TENM3: variants seen among roughly 807,000 people sequenced by gnomAD.
The protein encoded by TENM3 is teneurin transmembrane protein 3.
A neutral mutation model predicts 255.1 loss-of-function variants in TENM3; 63 were observed. The ratio of observed to expected loss-of-function variants is 0.25; its 90% CI spans 0.20 to 0.30. The LOEUF (loss-of-function observed/expected upper bound fraction) is 0.30, where lower values mean the gene tolerates loss of function less well. Among genes scored for constraint, TENM3 ranks in the 10% least tolerant of loss-of-function variants. The pLI, the probability that TENM3 is intolerant of heterozygous loss-of-function variation, is 1.00. For missense variants in TENM3, 2,929 were observed against 3,461.1 expected (o/e 0.85, Z 3.86); for synonymous variants, 1,306 against 1,322.3 (o/e 0.99, Z 0.27).
the TENM3 span, among the ~76,000 whole-genome samples, chr4:181,982,369 C>T: frequency 6.6e-6 from 1 of 151,998 alleles, no homozygotes; most frequent in Non-Finnish European, 1.5e-5. Context: ...AATTCAGAGC[C>T]TTAGTATGTA....
At chr4:182,250,175 C>A (rs886174177) in intron 1 of TENM3, among the ~76,000 whole-genome samples, 3 of 151,550 alleles carry the variant, frequency 2.0e-5, no homozygotes, top group Admixed American at 2.0e-4. Flanking sequence ...GCCTCAGCCT[C>A]CCGAGTAGCT....
chr4:182,042,398 G>A, the TENM3 span, among the ~76,000 whole-genome samples: 3,646 of 152,138 alleles, frequency 0.024, 153 homozygotes, highest in African/African-American at 0.082. Flanking sequence ...GAATTTACAA[G>A]AGAAAATCTG....
rs371962333 is a variant in TENM3 at position 182,771,686 on chromosome 4, G to A, written c.4893-1786G>A. Among the ~76,000 whole-genome samples, 16 of 152,278 alleles carry A rather than the reference G, an allele frequency of 1.1e-4. No individual in the cohort carries two copies. In the South Asian group the frequency reaches 2.3e-3, roughly 22 times the overall value. ...TTTGTCAATAATTCTGTAACTCTGC[G>A]CTGCTTGTTCTTAAATAAACCAGTG... On this transcript the variant is annotated intron_variant, in intron 22 of 27. Transcript: ENST00000511685.
chr4:182,793,464 C>T lies in TENM3; in HGVS notation c.6792C>T (p.Asn2264=), dbSNP rs535867344. The T allele has an allele frequency of 6.8e-6, 11 of 1,613,812 alleles. No individual in the cohort carries two copies. Among genetic ancestry groups the T allele is most frequent in the Non-Finnish European group, 8.5e-6 (10 of 1,179,886 alleles). The change falls in exon 26 of 28, where the codon AAC becomes AAT. Residue 2264 remains asparagine, a synonymous_variant. Transcript: ENST00000511685. The surrounding 1 kb of genome is among the most constrained non-coding windows in gnomAD (Gnocchi z 5.7). ...CCACTAGGATTACTCATGTCTACAA[C>T]CATTCGAGTTCAGAAATTACCTCCC... ...TYPTRITHVY[N]HSSSEITSLY...
chr4:182,314,219 T>G (rs1219211022), intron 1 of TENM3, among the ~76,000 whole-genome samples: 2 of 151,582 alleles, frequency 1.3e-5, no homozygotes, highest in Non-Finnish European at 2.9e-5. Context: ...GAGAATGGCG[T>G]GAACCTGGGA....
At chr4:182,202,299 CTTTTT>C (rs773698031) in intron 1 of TENM3, among the ~76,000 whole-genome samples, 2 of 100,624 alleles carry the variant, frequency 2.0e-5, no homozygotes, top group Non-Finnish European at 2.0e-5. Context: ...GTGCACTGCA[CTTTTT>C]TTTTTTTTTT....
chr4:181,857,563 A>C, the TENM3 span, among the ~76,000 whole-genome samples: 1 of 68,564 alleles, frequency 1.5e-5, no homozygotes, highest in Non-Finnish European at 3.0e-5. Context: ...AAAAAAAAAA[A>C]AAAAAAAAAA....
chr4:181,743,583 G>A, the TENM3 span, among the ~76,000 whole-genome samples: 4 of 152,102 alleles, frequency 2.6e-5, no homozygotes, highest in African/African-American at 9.7e-5. Flanking sequence ...TCTCAGAAAA[G>A]ACACTGGTGA....
the TENM3 span, among the ~76,000 whole-genome samples, chr4:181,721,228 C>G: frequency 1.3e-5 from 2 of 151,690 alleles, no homozygotes; most frequent in African/African-American, 4.8e-5. Flanking sequence ...AGATGATGTT[C>G]AGGAAAGAAG....
At chr4:181,484,344 C>G in the TENM3 span, among the ~76,000 whole-genome samples, 1 of 151,990 alleles carries the variant, frequency 6.6e-6, no homozygotes, top group Non-Finnish European at 1.5e-5. Flanking sequence ...TGCTCATTGC[C>G]AAAACAATAT....
chr4:181,564,803 G>T, the TENM3 span, among the ~76,000 whole-genome samples: 1 of 152,080 alleles, frequency 6.6e-6, no homozygotes, highest in South Asian at 2.1e-4. Context: ...TACATAAGCC[G>T]CAGTATCCTG....
the TENM3 span, among the ~76,000 whole-genome samples, chr4:182,053,178 C>CAATACTCACAAACCATTTTTGGTT: frequency 9.2e-5 from 14 of 152,058 alleles, 1 homozygote; most frequent in Admixed American, 9.2e-4. Flanking sequence ...TCTCAGGCAG[C>CAATACTCACAAACCATTTTTGGTT]TGTGTAGGCT....
chr4:182,183,499 T>C (rs1205824826), intron 1 of TENM3, among the ~76,000 whole-genome samples: 1 of 152,150 alleles, frequency 6.6e-6, no homozygotes, highest in East Asian at 1.9e-4. Context: ...GGAGAAATAA[T>C]TTCTACTCCC....
At chr4:181,505,089 T>G in the TENM3 span, among the ~76,000 whole-genome samples, 1 of 152,168 alleles carries the variant, frequency 6.6e-6, no homozygotes, top group Admixed American at 6.6e-5. Flanking sequence ...TAATCTGATT[T>G]CTGAAATGAC....
Position 182,754,340 on chromosome 4 carries a change from G to A in TENM3, c.4018-45G>A, listed in dbSNP as rs1253992837. Reference sequence around the variant, plus strand: ...AATTTACTCTTCTGGCGAATTAACTGTAGTGCAGTAACTTACTAACCAGGC... The same window carrying A: ...AATTTACTCTTCTGGCGAATTAACTATAGTGCAGTAACTTACTAACCAGGC... On this transcript the variant is annotated intron_variant, in intron 21 of 27. Transcript: ENST00000511685. The surrounding 1 kb of genome is among the most constrained non-coding windows in gnomAD (Gnocchi z 5.1). 6 of 1,507,006 alleles carry A rather than the reference G, an allele frequency of 4.0e-6. No individual in the cohort carries two copies. The highest frequency in any genetic ancestry group is 3.5e-4 in the Middle Eastern group (2 of 5,708). 93.4% of individuals were successfully genotyped at this position (1,507,006 alleles called of 1,614,324 possible). A position where few individuals can be genotyped will look rare whatever the true frequency, so the allele number is the denominator to read the frequency against.
intron 4 of TENM3, among the ~76,000 whole-genome samples, chr4:182,602,777 G>A (rs1304153074): frequency 6.6e-6 from 1 of 151,942 alleles, no homozygotes. Context: ...TAATTAATTA[G>A]CACACACTGA....
Position 182,800,562 on chromosome 4 carries a change from GCGCTGCACTCA to G in TENM3, c.*212_*222del. On this transcript the variant is annotated 3_prime_UTR_variant, in exon 28 of 28. Transcript: ENST00000511685. Reference sequence around the variant, plus strand: ...TAACGAATATGTTTACATATGCATAGCGCTGCACTCAGTCGGACTGAACGTAGCCAGAGGAA... The same window carrying G: ...TAACGAATATGTTTACATATGCATAGGTCGGACTGAACGTAGCCAGAGGAA... The G allele has an allele frequency of 1.8e-6, 1 of 549,100 alleles. No individual in the cohort carries two copies. Among genetic ancestry groups the G allele is most frequent in the Non-Finnish European group, 3.1e-6 (1 of 322,210 alleles). The allele number at this position is 549,100 out of a possible 1,614,324, so 34.0% of individuals were successfully genotyped here.
chr4:182,731,972 A>G (rs187078048), intron 16 of TENM3, among the ~76,000 whole-genome samples: 6,875 of 151,766 alleles, frequency 0.045, 264 homozygotes, highest in Non-Finnish European at 0.057. Context: ...TAGTAGAGGC[A>G]GGGTTTCATC....
At chr4:182,057,992 A>G in the TENM3 span, among the ~76,000 whole-genome samples, 1 of 152,134 alleles carries the variant, frequency 6.6e-6, no homozygotes, top group Non-Finnish European at 1.5e-5. Flanking sequence ...CATGTTAAAT[A>G]TCTAAAAGAG....
Sources: gnomAD v4.1 joint callset for allele counts (sites outside exome capture counted in the v4.1 genomes callset) on GRCh38, gnomAD v4.1.1 for gene constraint, Gnocchi (gnomAD v3.1) non-coding constraint, MANE v1.5 for transcripts, NCBI Gene and HGNC (gene_info 2026-07-23, HGNC 2026-07-21) for gene names.